The following MGAT5B variants were observed in gnomAD, a reference collection of about 807,000 sequenced individuals.
The protein encoded by MGAT5B is N-acetylglucosaminyl-transferase Vb.
MGAT5B carries 54 observed loss-of-function variants against 95.1 expected under a neutral mutation model. That is an observed-to-expected ratio of 0.57 (90% CI 0.46 to 0.71). The LOEUF is 0.71. Among genes scored for constraint, MGAT5B ranks in the 30% least tolerant of loss-of-function variants. MGAT5B has a pLI of 0.00. For synonymous variants in MGAT5B, 464 were observed against 451.0 expected (o/e 1.03, Z -0.36); for missense variants, 935 against 1,088.6 (o/e 0.86, Z 1.99).
chr17:76,919,227 C>G (rs1361798477), intron 8 of MGAT5B, among the ~76,000 whole-genome samples: 1 of 152,200 alleles, frequency 6.6e-6, no homozygotes, highest in African/African-American at 2.4e-5. Flanking sequence ...CCCCATCCTC[C>G]TCTTTGATAT....
Position 76,947,858 on chromosome 17 carries a change from T to A in MGAT5B, c.1952T>A (p.Leu651Gln), listed in dbSNP as rs1286215700. 3 of 1,591,240 alleles carry A rather than the reference T, an allele frequency of 1.9e-6. No individual in the cohort carries two copies. The highest frequency in any genetic ancestry group is 3.5e-5 in the Admixed American group (2 of 57,304). Residue 651 changes from leucine (L) to glutamine (Q), a missense_variant, in exon 17 of 18, where the codon CTA becomes CAA. Coordinates refer to ENST00000569840, the MANE Select transcript of MGAT5B (RefSeq NM_001199172.2). ...QDFCRAPDPA[L>Q]PEAHAPQSPF... ...TTCTGCAGAGCTCCAGACCCTGCCC[T>A]ACCAGAGGCCCACGCCCCGCAGAGC...
chr17:76,913,600 C>A, intron 8 of MGAT5B: 2 of 437,804 alleles, frequency 4.6e-6, no homozygotes, highest in Non-Finnish European at 9.2e-6. Context: ...TTGAAATTGT[C>A]AAAGGATGGG....
chr17:76,879,248 A>G (rs551440), intron 2 of MGAT5B, among the ~76,000 whole-genome samples: 93,603 of 151,994 alleles, frequency 0.62, 32,564 homozygotes, highest in East Asian at 1. Flanking sequence ...GAGTGGGACC[A>G]GTAGTGCAGC....
rs749256022 is a variant in MGAT5B at position 76,915,894 on chromosome 17, G to C, written c.1026-9072G>C. ...GCACACATCCCAGCGGAGAGGCCTG[G>C]CAGCCAGACACCTGACCCAAGTTGG... On this transcript the variant is annotated intron_variant, in intron 8 of 17. Coordinates refer to ENST00000569840, the MANE Select transcript of MGAT5B (RefSeq NM_001199172.2). This position sits in a 1 kb window ranked among gnomAD's most constrained non-coding sequence, Gnocchi z 8.7. 6.6e-6 allele frequency among the ~76,000 whole-genome samples: 1 copy of C among 152,222 alleles called. No homozygotes were observed. Among genetic ancestry groups the C allele is most frequent in the Non-Finnish European group, 1.5e-5 (1 of 68,044 alleles).
rs545345784 is a variant in MGAT5B, at chr17:76,916,195, C to T, written c.1026-8771C>T. Among the ~76,000 whole-genome samples, 2 of 151,034 alleles carry T rather than the reference C, an allele frequency of 1.3e-5. No homozygotes were observed. The highest frequency in any genetic ancestry group is 3.9e-4 in the East Asian group (2 of 5,178). ...CATAGCTGCACTGCCCTGGCCCCTGCCCTTCATTCTTCCTCGGGATCCAGG... is the reference window on the plus strand; with the variant it reads ...CATAGCTGCACTGCCCTGGCCCCTGTCCTTCATTCTTCCTCGGGATCCAGG... On this transcript the variant is annotated intron_variant, in intron 8 of 17. Transcript: ENST00000569840. This position sits in a 1 kb window ranked among gnomAD's most constrained non-coding sequence, Gnocchi z 5.3.
At position 76,940,928 on chromosome 17, in the gene MGAT5B, C is replaced by A. The variant is rs1404428029; in HGVS notation, c.1848+80C>A. On this transcript the variant is annotated intron_variant, in intron 15 of 17. Coordinates refer to ENST00000569840, the MANE Select transcript of MGAT5B (RefSeq NM_001199172.2). This position sits in a 1 kb window ranked among gnomAD's most constrained non-coding sequence, Gnocchi z 4.3. ...CACTCTGATTAGAAAACGGTGCCCC[C>A]CTCTGGGTGAGTTCAGACTTGCAGG... The A allele has an allele frequency of 4.8e-6, 6 of 1,246,472 alleles. No homozygotes were observed. The highest frequency in any genetic ancestry group is 2.6e-5 in the South Asian group (2 of 78,424). The allele number at this position is 1,246,472 out of a possible 1,614,324, so 77.2% of individuals were successfully genotyped here. A position where few individuals can be genotyped will look rare whatever the true frequency, so the allele number is the denominator to read the frequency against.
intron 15 of MGAT5B, among the ~76,000 whole-genome samples, chr17:76,941,991 C>G (rs1447511800): frequency 1.3e-5 from 2 of 152,210 alleles, no homozygotes; most frequent in Admixed American, 6.5e-5. Context: ...CACTTTTGGC[C>G]TGCACACAGA....
At position 76,872,863 on chromosome 17, in the gene MGAT5B, G is replaced by A. The variant is rs1195747857; in HGVS notation, c.81G>A (p.Leu27=). Residue 27 remains leucine (L), a synonymous_variant, in exon 2 of 18, where the codon CTG becomes CTA. Transcript: ENST00000569840. ...TTCCTCTCCGCAGGCTTTTTGTCCT[G>A]GGCATCGGCTTCTTCACTCTCTGCT... ...VTLRPFRLFV[L]GIGFFTLCFL... 1 of 1,614,206 alleles carries A rather than the reference G, an allele frequency of 6.2e-7. No homozygotes were observed. The highest frequency in any genetic ancestry group is 1.3e-5 in the African/African-American group (1 of 75,060).
chr17:76,900,790 G>C (rs982579108), intron 3 of MGAT5B, among the ~76,000 whole-genome samples: 1 of 152,236 alleles, frequency 6.6e-6, no homozygotes, highest in Non-Finnish European at 1.5e-5. Flanking sequence ...TTTATTTTAA[G>C]AGTTTTATGT....
chr17:76,942,915 G>T (rs1418985260), intron 15 of MGAT5B, among the ~76,000 whole-genome samples: 1 of 152,180 alleles, frequency 6.6e-6, no homozygotes, highest in Non-Finnish European at 1.5e-5. Flanking sequence ...GAGGGGCTCG[G>T]GCAAGGCTGG....
At chr17:76,932,278 G>A (rs930574749) in intron 10 of MGAT5B, among the ~76,000 whole-genome samples, 2 of 151,870 alleles carry the variant, frequency 1.3e-5, no homozygotes, top group East Asian at 1.9e-4. Flanking sequence ...GACTATAGGC[G>A]CGTGCCACCA....
chr17:76,878,099 T>C (rs138898980), intron 2 of MGAT5B, among the ~76,000 whole-genome samples: 2 of 152,284 alleles, frequency 1.3e-5, no homozygotes, highest in East Asian at 3.9e-4. Flanking sequence ...GATGTCAGCT[T>C]GCTCTGCTGA....
chr17:76,869,936 G>T lies in MGAT5B; in HGVS notation c.68+839G>T, dbSNP rs1209888264. Among the ~76,000 whole-genome samples, 1 of 152,150 alleles carries T rather than the reference G, an allele frequency of 6.6e-6. No individual in the cohort carries two copies. The highest frequency in any genetic ancestry group is 2.4e-5 in the African/African-American group (1 of 41,448). On this transcript the variant is annotated intron_variant, in intron 1 of 17. Transcript: ENST00000569840. This position sits in a 1 kb window ranked among gnomAD's most constrained non-coding sequence, Gnocchi z 7.0. The stretch of plus-strand genomic sequence containing the variant: ...TCCCAGGCATCCGCGGAACCGGCCC[G>T]CAGCGGGGTGGGGAGGGGGCGCTGC...
At position 76,949,014 on chromosome 17, in the gene MGAT5B, C is replaced by T; in HGVS notation, c.*176C>T. 1.3e-6 allele frequency: 1 copy of T among 756,814 alleles called. No individual in the cohort carries two copies. The highest frequency in any genetic ancestry group is 2.1e-6 in the Non-Finnish European group (1 of 480,550). 46.9% of individuals were successfully genotyped at this position (756,814 alleles called of 1,614,324 possible). Reference sequence around the variant, plus strand: ...AGCCGTGCCCGGGAATAGGAGGAGGCAGCATGCCGAGCCCCTGGGACCTCC... The same window carrying T: ...AGCCGTGCCCGGGAATAGGAGGAGGTAGCATGCCGAGCCCCTGGGACCTCC... On this transcript the variant is annotated 3_prime_UTR_variant, in exon 18 of 18. Coordinates refer to ENST00000569840, the MANE Select transcript of MGAT5B (RefSeq NM_001199172.2).
intron 3 of MGAT5B, 146 bp from the exon 4 acceptor site, chr17:76,902,409 A>G: frequency 1.6e-6 from 1 of 606,252 alleles, no homozygotes; most frequent in Non-Finnish European, 3.0e-6. Flanking sequence ...TTCACTCCCC[A>G]CCATTTGGTC....
chr17:76,877,959 C>T (rs1401886399), intron 2 of MGAT5B, among the ~76,000 whole-genome samples: 1 of 152,038 alleles, frequency 6.6e-6, no homozygotes, highest in African/African-American at 2.4e-5. Context: ...TCCCAGCGTC[C>T]CAGCTTTCCT....
At position 76,914,708 on chromosome 17, in the gene MGAT5B, G is replaced by A. The variant is rs781696193; in HGVS notation, c.1025+8521G>A. Among the ~76,000 whole-genome samples the A allele has an allele frequency of 2.6e-5, 4 of 151,748 alleles. No individual in the cohort carries two copies. Among genetic ancestry groups the A allele is most frequent in the Non-Finnish European group, 5.9e-5 (4 of 67,978 alleles). On this transcript the variant is annotated intron_variant, in intron 8 of 17. Coordinates refer to ENST00000569840, the MANE Select transcript of MGAT5B (RefSeq NM_001199172.2). The surrounding 1 kb of genome is among the most constrained non-coding windows in gnomAD (Gnocchi z 5.1). The stretch of plus-strand genomic sequence containing the variant: ...AGCTGGAGCGCAGTGGCGCAGTCTC[G>A]GCTCACTGCATCCTCCACCTCCGGG...
chr17:76,898,486 A>G (rs57070751), intron 3 of MGAT5B, among the ~76,000 whole-genome samples: 40,639 of 150,106 alleles, frequency 0.27, 5,887 homozygotes, highest in East Asian at 0.49. Context: ...GCACCACCAC[A>G]CCCGGCTAAT....
At chr17:76,935,954 TTA>T (rs201147006) in intron 12 of MGAT5B, among the ~76,000 whole-genome samples, 20 of 140,576 alleles carry the variant, frequency 1.4e-4, no homozygotes, top group African/African-American at 3.4e-4. Flanking sequence ...ATTATATACA[TTA>T]TATATATATA....
Sources: allele counts gnomAD v4.1 joint callset (sites outside exome capture counted in the v4.1 genomes callset), GRCh38; gene constraint gnomAD v4.1.1; non-coding constraint Gnocchi (gnomAD v3.1); transcripts MANE v1.5; gene names NCBI Gene and HGNC (gene_info 2026-07-23, HGNC 2026-07-21).